IKZF2: variants seen among roughly 807,000 people sequenced by gnomAD.
The protein encoded by IKZF2 is zinc finger protein Helios.
A neutral mutation model predicts 49.2 loss-of-function variants in IKZF2; 15 were observed. The observed-to-expected ratio is 0.30, with a 90% confidence interval of 0.20 to 0.47. The LOEUF (loss-of-function observed/expected upper bound fraction) is 0.47. IKZF2 is among the 20% of genes least tolerant of loss of function. The pLI is 1.00. For synonymous variants in IKZF2, 227 were observed against 221.4 expected, an observed-to-expected ratio of 1.03 and a Z score of -0.23; for missense variants, 567 against 664.6, an observed-to-expected ratio of 0.85 and a Z score of 1.61.
chr2:213,107,003 T>C (rs1297752079), intron 4 of IKZF2, among the ~76,000 whole-genome samples: 1 of 152,168 alleles, frequency 6.6e-6, no homozygotes, highest in African/African-American at 2.4e-5. Flanking sequence ...TGCTGATTAA[T>C]TATAATGGGG....
rs943558161 is a variant in IKZF2 at position 213,150,454 on chromosome 2, C to T, written c.-119-207G>A. ...CCAAGAAATGAGAGAGAAGAACACC[C>T]CCCTCCTCCTCCTCCTCCTCCTCGT... On this transcript the variant is annotated intron_variant, in intron 1 of 8. Coordinates refer to ENST00000434687, the MANE Select transcript of IKZF2 (RefSeq NM_001387220.1). The T allele has an allele frequency of 2.1e-3, 416 of 199,686 alleles. 19 individuals carry two copies. In the Admixed American group the frequency reaches 0.026, roughly 12 times the overall value. 12.4% of individuals were successfully genotyped at this position (199,686 alleles called of 1,614,324 possible). A position where few individuals can be genotyped will look rare whatever the true frequency, so the allele number is the denominator to read the frequency against.
intron 4 of IKZF2, among the ~76,000 whole-genome samples, chr2:213,130,196 T>A (rs1170207567): frequency 6.6e-6 from 1 of 152,122 alleles, no homozygotes; most frequent in Admixed American, 6.5e-5. Context: ...ATTTCCTTTA[T>A]CCCAATAGCC....
At chr2:213,093,118 T>C (rs1014263291) in intron 4 of IKZF2, among the ~76,000 whole-genome samples, 2 of 152,210 alleles carry the variant, frequency 1.3e-5, no homozygotes, top group Admixed American at 6.5e-5. Flanking sequence ...GATTTAAATA[T>C]CTGCTCTTCT....
chr2:213,036,513 G>A (rs536660036), intron 6 of IKZF2, among the ~76,000 whole-genome samples: 35 of 152,018 alleles, frequency 2.3e-4, no homozygotes, highest in Non-Finnish European at 3.8e-4. Flanking sequence ...GTTAATATAA[G>A]AATATTCAAA....
At chr2:213,132,660 A>G (rs1167720542) in intron 4 of IKZF2, among the ~76,000 whole-genome samples, 1 of 152,192 alleles carries the variant, frequency 6.6e-6, no homozygotes, top group Non-Finnish European at 1.5e-5. Flanking sequence ...TAGTTATACA[A>G]GTAAATAAGT....
intron 4 of IKZF2, among the ~76,000 whole-genome samples, chr2:213,090,766 C>G (rs1705221563): frequency 2.0e-5 from 3 of 151,986 alleles, no homozygotes; most frequent in Non-Finnish European, 4.4e-5. Flanking sequence ...CAGATATAAG[C>G]CAGGAACACC....
chr2:213,063,794 G>C (rs1701921338), intron 4 of IKZF2, among the ~76,000 whole-genome samples: 2 of 151,772 alleles, frequency 1.3e-5, no homozygotes, highest in Non-Finnish European at 2.9e-5. Flanking sequence ...ACATGATACT[G>C]GCTCTCCAAT....
intron 4 of IKZF2, among the ~76,000 whole-genome samples, chr2:213,097,402 A>G (rs1706133333): frequency 6.6e-6 from 1 of 152,118 alleles, no homozygotes; most frequent in Admixed American, 6.6e-5. Flanking sequence ...TAACCTGTAT[A>G]ACATATTACC....
At position 213,150,228 on chromosome 2, in the gene IKZF2, G is replaced by C. The variant is rs1559338156; in HGVS notation, c.-100C>G. 7.9e-7 allele frequency: 1 copy of C among 1,269,160 alleles called. No individual in the cohort carries two copies. Among genetic ancestry groups the C allele is most frequent in the African/African-American group, 1.5e-5 (1 of 65,086 alleles). 78.6% of individuals were successfully genotyped at this position (1,269,160 alleles called of 1,614,324 possible). The stretch of plus-strand genomic sequence containing the variant: ...TCTCAGCTTCTTCTAACCCCTCAAA[G>C]AGGAGGTGACAATGTCGGGCTGAAG... On this transcript the variant is annotated 5_prime_UTR_variant, in exon 2 of 9. Coordinates refer to ENST00000434687, the MANE Select transcript of IKZF2 (RefSeq NM_001387220.1).
At chr2:213,082,052 A>G (rs920971395) in intron 4 of IKZF2, among the ~76,000 whole-genome samples, 4 of 152,224 alleles carry the variant, frequency 2.6e-5, no homozygotes, top group African/African-American at 4.8e-5. Flanking sequence ...GGGACTCATG[A>G]TCAAGTTAAA....
intron 7 of IKZF2, among the ~76,000 whole-genome samples, chr2:213,020,570 T>G (rs1056710224): frequency 1.3e-5 from 2 of 152,052 alleles, no homozygotes; most frequent in South Asian, 2.1e-4. Flanking sequence ...GATACACAGA[T>G]AGGTTTGTAA....
intron 6 of IKZF2, among the ~76,000 whole-genome samples, chr2:213,035,525 T>G (rs1303912438): frequency 2.0e-5 from 3 of 152,208 alleles, no homozygotes; most frequent in African/African-American, 7.2e-5. Context: ...AGGTTGCTTA[T>G]GGATGCCACT....
chr2:213,150,905 T>TG (rs1559339170), intron 1 of IKZF2, among the ~76,000 whole-genome samples: 1 of 126,100 alleles, frequency 7.9e-6, no homozygotes, highest in Non-Finnish European at 1.7e-5. Flanking sequence ...GGGTTTTTGG[T>TG]TTTTTTTTTT....
At chr2:213,106,503 C>CTAATA (rs2059533449) in intron 4 of IKZF2, among the ~76,000 whole-genome samples, 1 of 151,754 alleles carries the variant, frequency 6.6e-6, no homozygotes, top group Non-Finnish European at 1.5e-5. Context: ...ATGGTGGTGG[C>CTAATA]GCATGTCCCT....
chr2:213,146,526 T>G (rs535313820), intron 4 of IKZF2, among the ~76,000 whole-genome samples: 1 of 152,166 alleles, frequency 6.6e-6, no homozygotes, highest in African/African-American at 2.4e-5. Context: ...AGTCAATAGC[T>G]AAAATTACTT....
Position 213,008,006 on chromosome 2 carries a change from A to T in IKZF2, c.935T>A (p.Met312Lys). The T allele has an allele frequency of 6.2e-7, 1 of 1,613,444 alleles. No homozygotes were observed. ...GGCTTGGTCCATCATATGAGACTGCATCAGCTCAGCCTCCTTCTCATATGT... is the reference window on the plus strand; with the variant it reads ...GGCTTGGTCCATCATATGAGACTGCTTCAGCTCAGCCTCCTTCTCATATGT... ...NLTYEKEAEL[M>K]QSHMMDQAIN... The change falls in exon 9 of 9, where the codon ATG (methionine) becomes AAG (lysine). Residue 312 changes from methionine to lysine, a missense_variant. Met to Lys is a moderately conservative substitution (Grantham distance 95, BLOSUM62 -1). Coordinates refer to ENST00000434687, the MANE Select transcript of IKZF2 (RefSeq NM_001387220.1).
Position 213,007,207 on chromosome 2 carries a change from A to G in IKZF2, c.*153T>C. 5 of 790,702 alleles carry G rather than the reference A, an allele frequency of 6.3e-6. No individual in the cohort carries two copies. Among genetic ancestry groups the G allele is most frequent in the South Asian group, 4.2e-5 (2 of 47,314 alleles). The allele number at this position is 790,702 out of a possible 1,614,324, so 49.0% of individuals were successfully genotyped here. A position where few individuals can be genotyped will look rare whatever the true frequency, so the allele number is the denominator to read the frequency against. On this transcript the variant is annotated 3_prime_UTR_variant, in exon 9 of 9. Coordinates refer to ENST00000434687, the MANE Select transcript of IKZF2 (RefSeq NM_001387220.1). The stretch of plus-strand genomic sequence containing the variant: ...TTATCGTAATTAGGCAGAGCAAATG[A>G]CACTGCCTCCACAAAATAAGAATTA...
At chr2:213,136,839 C>T (rs1194450779) in intron 4 of IKZF2, among the ~76,000 whole-genome samples, 2 of 152,104 alleles carry the variant, frequency 1.3e-5, no homozygotes, top group Non-Finnish European at 2.9e-5. Context: ...TGTTTTCACA[C>T]ATTCACACGC....
intron 4 of IKZF2, among the ~76,000 whole-genome samples, chr2:213,141,388 C>A (rs754930070): frequency 2.1e-4 from 32 of 151,928 alleles, no homozygotes; most frequent in Non-Finnish European, 4.1e-4. Flanking sequence ...AAACCATTGA[C>A]TTCCATGAAA....
Sources: gnomAD v4.1 joint callset for allele counts (sites outside exome capture counted in the v4.1 genomes callset) on GRCh38, gnomAD v4.1.1 for gene constraint, MANE v1.5 for transcripts, NCBI Gene and HGNC (gene_info 2026-07-23, HGNC 2026-07-21) for gene names.